The following ZC3H12B variants were observed in gnomAD, a reference collection of about 807,000 sequenced individuals.
ZC3H12B encodes zinc finger CCCH-type containing 12B.
ZC3H12B carries 7 observed loss-of-function variants against 43.9 expected under a neutral mutation model. The ratio of observed to expected loss-of-function variants is 0.16; its 90% CI spans 0.09 to 0.30. The LOEUF (loss-of-function observed/expected upper bound fraction) is 0.30, where lower values mean the gene tolerates loss of function less well. Among genes scored for constraint, ZC3H12B ranks in the 10% least tolerant of loss-of-function variants. The probability of loss-of-function intolerance (pLI) is 1.00; values close to 1 mark genes in which losing one functional copy is unlikely to be tolerated. For missense variants in ZC3H12B, 475 were observed against 670.2 expected, an observed-to-expected ratio of 0.71 and a Z score of 3.22; for synonymous variants, 222 against 241.7, an observed-to-expected ratio of 0.92 and a Z score of 0.76.
At chrX:65,283,534 G>A in the ZC3H12B span, among the ~76,000 whole-genome samples, 1 of 111,456 alleles carries the variant, frequency 9.0e-6, no homozygotes, top group Non-Finnish European at 1.9e-5. Flanking sequence ...AAGTCAAATT[G>A]TTCCTCTTTG....
chrX:65,119,351 G>A, the ZC3H12B span, among the ~76,000 whole-genome samples: 1 of 111,853 alleles, frequency 8.9e-6, no homozygotes, highest in Non-Finnish European at 1.9e-5. Context: ...TCTAACTGTT[G>A]TGAGATGGTA....
At chrX:65,234,141 A>G in the ZC3H12B span, among the ~76,000 whole-genome samples, 3 of 111,907 alleles carry the variant, frequency 2.7e-5, no homozygotes, top group African/African-American at 9.7e-5. Context: ...CTCAAACCAC[A>G]TGAAAAAGAT....
At chrX:65,450,936 CACAT>C (rs1317221361) in intron 3 of ZC3H12B, among the ~76,000 whole-genome samples, 1 of 95,034 alleles carries the variant, frequency 1.1e-5, no homozygotes, top group Non-Finnish European at 2.0e-5. Context: ...TATATATATA[CACAT>C]ACATATATAT....
chrX:65,078,688 A>T, the ZC3H12B span, among the ~76,000 whole-genome samples: 2 of 111,530 alleles, frequency 1.8e-5, no homozygotes, highest in African/African-American at 6.5e-5. Flanking sequence ...CATGGTATGG[A>T]GACAAGGAGA....
At chrX:65,340,000 C>T in the ZC3H12B span, among the ~76,000 whole-genome samples, 220 of 111,815 alleles carry the variant, frequency 2.0e-3, no homozygotes, top group Non-Finnish European at 3.2e-3. Flanking sequence ...ACCAACATAC[C>T]ACCATTGCAG....
At chrX:65,471,864 T>A (rs190336481) in intron 3 of ZC3H12B, among the ~76,000 whole-genome samples, 50 of 111,865 alleles carry the variant, frequency 4.5e-4, no homozygotes, top group African/African-American at 1.6e-3. Flanking sequence ...TTATGAGGAT[T>A]GTTACTTAGA....
At chrX:65,421,244 A>C (rs1030790974) in intron 3 of ZC3H12B, among the ~76,000 whole-genome samples, 2 of 112,360 alleles carry the variant, frequency 1.8e-5, no homozygotes, top group Non-Finnish European at 3.8e-5. Context: ...GATACCAGTC[A>C]GCCTCTTAAC....
chrX:65,487,084 C>T (rs767794402), upstream of ZC3H12B, among the ~76,000 whole-genome samples: 5 of 112,521 alleles, frequency 4.4e-5, no homozygotes, highest in Non-Finnish European at 9.4e-5. Flanking sequence ...TTTTTAAAGT[C>T]GCAAGTGGTA....
the ZC3H12B span, among the ~76,000 whole-genome samples, chrX:65,359,212 CA>C: frequency 9.9e-5 from 11 of 111,296 alleles, no homozygotes; most frequent in Admixed American, 1.1e-3. Context: ...TCTAGTCACG[CA>C]AGAGCTCTGA....
chrX:65,339,818 C>T, the ZC3H12B span, among the ~76,000 whole-genome samples: 12 of 111,857 alleles, frequency 1.1e-4, no homozygotes, highest in African/African-American at 3.9e-4. Context: ...ACACACAAGC[C>T]CACCCACTTC....
At chrX:65,397,963 A>G (rs766467048) in intron 2 of ZC3H12B, among the ~76,000 whole-genome samples, 75 of 112,486 alleles carry the variant, frequency 6.7e-4, no homozygotes, top group African/African-American at 2.3e-3. Context: ...ATTAAAAATC[A>G]GTAGCATTTC....
chrX:65,377,762 G>C (rs916942368), intron 2 of ZC3H12B, among the ~76,000 whole-genome samples: 5 of 111,584 alleles, frequency 4.5e-5, no homozygotes, highest in African/African-American at 1.6e-4. Flanking sequence ...AAATGCTAAA[G>C]GAAGTACTTC....
the ZC3H12B span, among the ~76,000 whole-genome samples, chrX:65,257,709 A>C: frequency 9.0e-6 from 1 of 111,226 alleles, no homozygotes; most frequent in East Asian, 2.8e-4. Flanking sequence ...TACCCCACAG[A>C]ACTACAAAAA....
At chrX:65,080,704 GAC>G in the ZC3H12B span, among the ~76,000 whole-genome samples, 1 of 111,530 alleles carries the variant, frequency 9.0e-6, no homozygotes, top group Non-Finnish European at 1.9e-5. Context: ...ATCAATAACA[GAC>G]CTATCCTACA....
the ZC3H12B span, among the ~76,000 whole-genome samples, chrX:65,358,224 T>A: frequency 1.8e-5 from 2 of 111,063 alleles, no homozygotes; most frequent in Non-Finnish European, 3.8e-5. Flanking sequence ...CAAAAAGACT[T>A]AGACTCCCAC....
At chrX:65,269,482 A>G in the ZC3H12B span, among the ~76,000 whole-genome samples, 5 of 110,878 alleles carry the variant, frequency 4.5e-5, no homozygotes, top group Non-Finnish European at 7.5e-5. Context: ...AAATTAAAAT[A>G]CTGAGGAATA....
the ZC3H12B span, among the ~76,000 whole-genome samples, chrX:65,293,768 G>A: frequency 4.5e-5 from 5 of 111,158 alleles, no homozygotes; most frequent in East Asian, 1.4e-3. Flanking sequence ...AGAGTTCGAA[G>A]ACAAGGCTTT....
the ZC3H12B span, among the ~76,000 whole-genome samples, chrX:65,100,972 T>C: frequency 9.0e-6 from 1 of 111,531 alleles, no homozygotes; most frequent in Admixed American, 9.5e-5. Context: ...GCAGTTACTC[T>C]AAAATCGACC....
chrX:65,135,537 AG>A, the ZC3H12B span, among the ~76,000 whole-genome samples: 9,000 of 108,351 alleles, frequency 0.083, 1,008 homozygotes, highest in African/African-American at 0.29. Context: ...GATATATTTG[AG>A]CTTATTTTTT....
Sources: allele counts gnomAD v4.1 joint callset (sites outside exome capture counted in the v4.1 genomes callset), GRCh38; gene constraint gnomAD v4.1.1; transcripts MANE v1.5; gene names NCBI Gene and HGNC (gene_info 2026-07-23, HGNC 2026-07-21).